Variants in CLEC17A observed in about 807,000 individuals in gnomAD.
The protein encoded by CLEC17A is C-type lectin domain containing 17A, also known as C-type lectin domain family 17, member A.
A neutral mutation model predicts 61.3 loss-of-function variants in CLEC17A; 37 were observed. The observed-to-expected ratio is 0.60, with a 90% CI of 0.46 to 0.79. The LOEUF is 0.79. Ranked by LOEUF, CLEC17A falls within the 30% of genes least tolerant of loss-of-function variation. CLEC17A has a pLI of 0.00. For synonymous variants in CLEC17A, 168 were observed against 164.9 expected, an observed-to-expected ratio of 1.02 and a Z score of -0.14; for missense variants, 418 against 464.7, an observed-to-expected ratio of 0.90 and a Z score of 0.92.
At chr19:14,596,814 G>A in intron 8 of CLEC17A, 62 bp from the exon 9 acceptor site, 5 of 1,565,364 alleles carry the variant, frequency 3.2e-6, no homozygotes, top group Non-Finnish European at 3.5e-6. Context: ...AGACTTAAGA[G>A]TCTCTTCCTT....
upstream of CLEC17A, among the ~76,000 whole-genome samples, chr19:14,582,276 G>A (rs1321477582): frequency 1.3e-5 from 2 of 150,118 alleles, no homozygotes; most frequent in Non-Finnish European, 3.0e-5. Context: ...GCAGTGGTGC[G>A]ATCTCGGCTC....
intron 2 of CLEC17A, among the ~76,000 whole-genome samples, chr19:14,587,233 ATG>A (rs3049160): frequency 0.2 from 29,443 of 145,068 alleles, 3,128 homozygotes; most frequent in Non-Finnish European, 0.24. Flanking sequence ...CCAGAGAAAG[ATG>A]TGTGTGTGTG....
chr19:14,589,028 C>G (rs1470354942), intron 3 of CLEC17A, among the ~76,000 whole-genome samples: 2 of 151,436 alleles, frequency 1.3e-5, no homozygotes, highest in Non-Finnish European at 2.9e-5. Flanking sequence ...AGGGCCACGT[C>G]TGCTCCAAAA....
rs747994088 is a variant in CLEC17A, at chr19:14,592,342, C to T, written c.261C>T (p.Asp87=). The part of the protein sequence containing the change: ...DYENSTPPYK[D]LPPKPGSSAP... ...AGAACTCAACACCTCCCTACAAGGA[C>T]CTTCCTCCCAAGCCAGGTAAGAGGA... The change falls in exon 4 of 14, where the codon GAC becomes GAT. Residue 87 remains aspartate, a synonymous_variant. Transcript: ENST00000417570. 1.2e-6 allele frequency: 2 copies of T among 1,606,938 alleles called. No individual in the cohort carries two copies. The highest frequency in any genetic ancestry group is 8.5e-7 in the Non-Finnish European group (1 of 1,176,694).
intron 4 of CLEC17A, 178 bp from the exon 5 acceptor site, chr19:14,594,339 C>T (rs1040904546): frequency 1.2e-5 from 8 of 640,656 alleles, no homozygotes; most frequent in South Asian, 4.0e-5. Flanking sequence ...AATCTAGGTT[C>T]GTTGGTCACC....
At chr19:14,598,705 C>A (rs2074622057) in intron 10 of CLEC17A, among the ~76,000 whole-genome samples, 1 of 152,090 alleles carries the variant, frequency 6.6e-6, no homozygotes, top group Non-Finnish European at 1.5e-5. Flanking sequence ...GAACTCCTGA[C>A]CTCAGGTGAC....
Position 14,595,295 on chromosome 19 carries a change from C to A in CLEC17A, c.425C>A (p.Pro142Gln). The A allele has an allele frequency of 6.2e-7, 1 of 1,613,978 alleles. No individual in the cohort carries two copies. Among genetic ancestry groups the A allele is most frequent in the Non-Finnish European group, 8.5e-7 (1 of 1,179,856 alleles). The part of the protein sequence containing the change: ...PQLAVNLEPS[P>Q]LQPSLAATPV... ...CCAGCTGTGAATCTTGAGCCTTCTC[C>A]ATTGCAGCCATCCCTGGCCGGTAAG... The change falls in exon 8 of 14, where the codon CCA (proline) becomes CAA (glutamine). Residue 142 changes from proline to glutamine, a missense_variant. By Grantham distance (76) the Pro-to-Gln change is moderately conservative. Transcript: ENST00000417570.
At chr19:14,585,805 T>G (rs567940219) in intron 2 of CLEC17A, among the ~76,000 whole-genome samples, 50 of 147,608 alleles carry the variant, frequency 3.4e-4, no homozygotes, top group African/African-American at 1.3e-3. Context: ...GCTAAGCTGC[T>G]CTCAGATTCC....
Position 14,599,714 on chromosome 19 carries a change from C to T in CLEC17A, c.647-3C>T. ...TAGCCCTCAAGCCCATCCCTTCTGA[C>T]AGTGACTGGCATGGCAGGGCTAGCT... On this transcript the variant is annotated splice_polypyrimidine_tract_variant and splice_region_variant and intron_variant, in intron 10 of 13. Transcript: ENST00000417570. The T allele has an allele frequency of 6.2e-7, 1 of 1,611,960 alleles. No individual in the cohort carries two copies. The highest frequency in any genetic ancestry group is 8.5e-7 in the Non-Finnish European group (1 of 1,178,198).
chr19:14,607,154 C>A, intron 13 of CLEC17A, 52 bp downstream of exon 13: 1 of 834,234 alleles, frequency 1.2e-6, no homozygotes, highest in Non-Finnish European at 1.6e-6. Flanking sequence ...GGGCCCTGAC[C>A]ATGGGGAGGG....
At chr19:14,583,969 G>A (rs2396233) in intron 2 of CLEC17A, 10 of 158,894 alleles carry the variant, frequency 6.3e-5, no homozygotes, top group East Asian at 3.7e-4. Flanking sequence ...AGTGGTGTGC[G>A]TCTGTAGTCT....
intron 10 of CLEC17A, among the ~76,000 whole-genome samples, chr19:14,598,381 TCCTTC>T (rs1008605124): frequency 6.6e-6 from 1 of 150,426 alleles, no homozygotes; most frequent in African/African-American, 2.4e-5. Context: ...CTTCCTTCCT[TCCTTC>T]CCTTCCCTTC....
chr19:14,587,530 T>C, intron 2 of CLEC17A, 84 bp from the exon 3 acceptor site: 5 of 1,415,584 alleles, frequency 3.5e-6, no homozygotes, highest in Admixed American at 2.2e-5. Context: ...ATCCCCATCA[T>C]GGGGCAGCTG....
At chr19:14,600,891 C>CTTT (rs71166763) in intron 12 of CLEC17A, among the ~76,000 whole-genome samples, 14 of 63,218 alleles carry the variant, frequency 2.2e-4, no homozygotes, top group African/African-American at 6.7e-4. Flanking sequence ...GCTCGGCCTT[C>CTTT]TTTTTTTTTT....
At chr19:14,589,560 A>G (rs1170129144) in intron 3 of CLEC17A, among the ~76,000 whole-genome samples, 22 of 112,260 alleles carry the variant, frequency 2.0e-4, no homozygotes, top group African/African-American at 9.1e-4. Context: ...CCTCCCGAGT[A>G]GCTGGGGTTA....
intron 12 of CLEC17A, among the ~76,000 whole-genome samples, chr19:14,600,587 C>CTT (rs561577759): frequency 4.1e-5 from 6 of 145,340 alleles, no homozygotes; most frequent in African/African-American, 1.5e-4. Context: ...CTTTTCTTTT[C>CTT]TTTTTTTTTT....
intron 3 of CLEC17A, among the ~76,000 whole-genome samples, chr19:14,591,490 G>A (rs2074417059): frequency 6.6e-6 from 1 of 151,070 alleles, no homozygotes; most frequent in Non-Finnish European, 1.5e-5. Flanking sequence ...TGTTGCCCAG[G>A]CTGGAGTGCA....
Position 14,596,868 on chromosome 19 carries a change from C to G in CLEC17A, c.446-8C>G. 6.2e-7 allele frequency: 1 copy of G among 1,608,128 alleles called. No homozygotes were observed. Among genetic ancestry groups the G allele is most frequent in the Non-Finnish European group, 8.5e-7 (1 of 1,177,670 alleles). On this transcript the variant is annotated splice_polypyrimidine_tract_variant and splice_region_variant and intron_variant, in intron 8 of 13. Transcript: ENST00000417570. ...ATCAGTCTCTCTGTTCCCATCCCCACTCCCCAGCAACTCCAGTCCCCTGGC... is the reference window on the plus strand; with the variant it reads ...ATCAGTCTCTCTGTTCCCATCCCCAGTCCCCAGCAACTCCAGTCCCCTGGC...
rs1463943013 is a variant in CLEC17A, at chr19:14,583,443, A to G, written c.121+9A>G. The stretch of plus-strand genomic sequence containing the variant: ...CCTTCCTCCCAAGCCAGGTAAGAGG[A>G]CTTTTTGGAGTGTGACCTGGGGGAA... On this transcript the variant is annotated intron_variant, in intron 2 of 13. Coordinates refer to ENST00000417570, the MANE Select transcript of CLEC17A (RefSeq NM_001204118.2). 6.2e-6 allele frequency: 10 copies of G among 1,612,304 alleles called. No homozygotes were observed. Among genetic ancestry groups the G allele is most frequent in the East Asian group, 2.2e-5 (1 of 44,830 alleles).
Sources: allele counts gnomAD v4.1 joint callset (sites outside exome capture counted in the v4.1 genomes callset), GRCh38; gene constraint gnomAD v4.1.1; transcripts MANE v1.5; gene names NCBI Gene and HGNC (gene_info 2026-07-23, HGNC 2026-07-21).